JPH3: variants seen among roughly 807,000 people sequenced by gnomAD.
JPH3 encodes the protein junctophilin-3.
JPH3 carries 11 observed loss-of-function variants against 59.6 expected under a neutral mutation model. That is an observed-to-expected ratio of 0.18 (90% CI 0.12 to 0.31). JPH3 has a LOEUF of 0.31. Ranked by LOEUF, JPH3 falls within the 10% of genes least tolerant of loss-of-function variation. The probability of loss-of-function intolerance (pLI) is 1.00; values close to 1 mark genes in which losing one functional copy is unlikely to be tolerated. For synonymous variants in JPH3, 673 were observed against 483.6 expected (o/e 1.39, Z -5.14); for missense variants, 1,202 against 1,105.7 (o/e 1.09, Z -1.24).
chr16:87,674,471 CAA>C lies in JPH3; in HGVS notation c.1161-9670_1161-9669del, dbSNP rs1415043400. Among the ~76,000 whole-genome samples, 7 of 152,300 alleles carry C rather than the reference CAA, an allele frequency of 4.6e-5. No homozygotes were observed. The East Asian group carries it at 5.8e-4, about 13-fold the overall frequency. On this transcript the variant is annotated intron_variant, in intron 2 of 4. Transcript: ENST00000284262. ...CGGAGTCTTGTGCAGACATGAAAAA[CAA>C]GAGATATCCTAGTGAGCTCCCAAAC...
At chr16:87,667,202 G>A (rs1158813821) in intron 2 of JPH3, among the ~76,000 whole-genome samples, 2 of 152,266 alleles carry the variant, frequency 1.3e-5, no homozygotes, top group Non-Finnish European at 1.5e-5. Flanking sequence ...CCTCTGCCCC[G>A]TCCTGAGCAC....
intron 2 of JPH3, among the ~76,000 whole-genome samples, chr16:87,664,914 T>G (rs1276617620): frequency 1.3e-5 from 2 of 152,148 alleles, no homozygotes; most frequent in Non-Finnish European, 2.9e-5. Flanking sequence ...ATCTCCAGGG[T>G]GAACCTGGCC....
At chr16:87,651,823 G>A (rs1342383424) in intron 2 of JPH3, among the ~76,000 whole-genome samples, 1 of 152,262 alleles carries the variant, frequency 6.6e-6, no homozygotes, top group Admixed American at 6.5e-5. Context: ...CTTCAATTTA[G>A]TTGATAAAAC....
At chr16:87,614,930 C>T (rs1457090767) in intron 1 of JPH3, among the ~76,000 whole-genome samples, 1 of 58,910 alleles carries the variant, frequency 1.7e-5, no homozygotes. Flanking sequence ...CACGAGGAGC[C>T]GCGCGTCCCC....
Position 87,684,166 on chromosome 16 carries a change from C to T in JPH3, c.1185C>T (p.Ala395=), listed in dbSNP as rs201763624. Residue 395 remains alanine, a synonymous_variant, in exon 3 of 5, where the codon GCC becomes GCT. Transcript: ENST00000284262. ...GGACCTCCCACTCTCGGGCAAAGGC[C>T]GAGGCAGCCCTCACAGCAGCTCAGA... is the stretch of plus-strand genomic sequence containing the variant. ...ASRTSHSRAK[A]EAALTAAQKA... 3.0e-5 allele frequency: 48 copies of T among 1,613,746 alleles called. No individual in the cohort carries two copies. The Admixed American group carries it at 3.3e-4, about 11-fold the overall frequency.
At chr16:87,694,305 G>C (rs2033712041) in intron 4 of JPH3, 2 of 152,334 alleles carry the variant, frequency 1.3e-5, no homozygotes, top group African/African-American at 4.8e-5. Context: ...GGGAAGACCA[G>C]CCTAGGTGCT....
chr16:87,695,448 G>A, intron 4 of JPH3: 1 of 456,120 alleles, frequency 2.2e-6, no homozygotes, highest in Non-Finnish European at 4.4e-6. Context: ...GGTAGGAAGT[G>A]GAGGGCTCCG....
Position 87,696,798 on chromosome 16 carries a change from A to C in JPH3, c.*138A>C. ...AGTCCTCTCACAGAAGAACCACACG[A>C]TTGGGTATCACTCACAGTTTGCCTT... On this transcript the variant is annotated 3_prime_UTR_variant, in exon 5 of 5. Coordinates refer to ENST00000284262, the MANE Select transcript of JPH3 (RefSeq NM_020655.4). 1.4e-6 allele frequency: 1 copy of C among 700,448 alleles called. No homozygotes were observed. Among genetic ancestry groups the C allele is most frequent in the Non-Finnish European group, 2.5e-6 (1 of 400,014 alleles). 43.4% of individuals were successfully genotyped at this position (700,448 alleles called of 1,614,324 possible).
chr16:87,655,332 ATAAT>A (rs2032461345), intron 2 of JPH3, among the ~76,000 whole-genome samples: 1 of 151,302 alleles, frequency 6.6e-6, no homozygotes, highest in Non-Finnish European at 1.5e-5. Flanking sequence ...TACAAAACAA[ATAAT>A]TTTATTTTTT....
chr16:87,696,066 G>A, intron 4 of JPH3: 1 of 456,506 alleles, frequency 2.2e-6, no homozygotes, highest in Non-Finnish European at 4.4e-6. Flanking sequence ...GTGGTGAGGG[G>A]GGGTTTTGTT....
intron 2 of JPH3, among the ~76,000 whole-genome samples, chr16:87,647,329 A>G (rs1488813411): frequency 6.6e-6 from 1 of 151,770 alleles, no homozygotes; most frequent in Admixed American, 6.5e-5. Context: ...CAGCCTTGGC[A>G]TGGCCAGCAT....
chr16:87,680,588 G>A (rs1414312810), intron 2 of JPH3, among the ~76,000 whole-genome samples: 1 of 152,240 alleles, frequency 6.6e-6, no homozygotes, highest in Non-Finnish European at 1.5e-5. Context: ...GCACTACGGA[G>A]CCATGGTGCA....
At chr16:87,633,963 A>T (rs2031648927) in intron 1 of JPH3, among the ~76,000 whole-genome samples, 1 of 152,178 alleles carries the variant, frequency 6.6e-6, no homozygotes, top group Admixed American at 6.5e-5. Context: ...TTAATGTCAT[A>T]TGAAGATTAG....
intron 1 of JPH3, among the ~76,000 whole-genome samples, chr16:87,624,564 C>T (rs912837288): frequency 3.3e-5 from 5 of 152,240 alleles, no homozygotes; most frequent in Non-Finnish European, 7.3e-5. Context: ...CTCAGGATGG[C>T]TCATGGGTGG....
At chr16:87,608,629 T>G (rs76898365) in intron 1 of JPH3, among the ~76,000 whole-genome samples, 4 of 152,126 alleles carry the variant, frequency 2.6e-5, no homozygotes, top group African/African-American at 9.7e-5. Flanking sequence ...CTGCCTGGGT[T>G]GGGTGGACGG....
intron 2 of JPH3, among the ~76,000 whole-genome samples, chr16:87,681,321 G>T (rs2033287526): frequency 6.7e-6 from 1 of 149,154 alleles, no homozygotes; most frequent in Admixed American, 6.7e-5. Flanking sequence ...GTTCCGGGAG[G>T]TCAGGTGCGC....
intron 2 of JPH3, among the ~76,000 whole-genome samples, chr16:87,660,153 G>C (rs1440752905): frequency 1.3e-5 from 2 of 152,168 alleles, no homozygotes; most frequent in Non-Finnish European, 2.9e-5. Flanking sequence ...TCCGAGCCTG[G>C]GGAGAGACGG....
chr16:87,632,164 A>G (rs2031584296), intron 1 of JPH3, among the ~76,000 whole-genome samples: 1 of 152,090 alleles, frequency 6.6e-6, no homozygotes, highest in Non-Finnish European at 1.5e-5. Flanking sequence ...GGAATTTTCC[A>G]CCTCTCTCCT....
chr16:87,647,061 T>C (rs1360480213), intron 2 of JPH3, among the ~76,000 whole-genome samples: 1 of 152,114 alleles, frequency 6.6e-6, no homozygotes. Context: ...ACTTCTAATC[T>C]CTGAAGGCCT....
Sources: allele counts gnomAD v4.1 joint callset (sites outside exome capture counted in the v4.1 genomes callset), GRCh38; gene constraint gnomAD v4.1.1; transcripts MANE v1.5; gene names NCBI Gene and HGNC (gene_info 2026-07-23, HGNC 2026-07-21).